TXK: variants seen among roughly 807,000 people sequenced by gnomAD.
TXK encodes the protein tyrosine-protein kinase TXK.
In TXK, 60 loss-of-function variants were observed where a neutral mutation model predicts 81.0. The observed-to-expected ratio is 0.74, with a 90% CI of 0.60 to 0.92. The LOEUF (loss-of-function observed/expected upper bound fraction) is 0.92, where lower values mean the gene tolerates loss of function less well. TXK is among the 40% of genes least tolerant of loss of function. TXK has a pLI of 0.00. For synonymous variants in TXK, 203 were observed against 210.7 expected, an observed-to-expected ratio of 0.96 and a Z score of 0.32; for missense variants, 581 against 638.3, an observed-to-expected ratio of 0.91 and a Z score of 0.97.
At chr4:48,098,759 C>T (rs779133539) in intron 6 of TXK, among the ~76,000 whole-genome samples, 15 of 152,036 alleles carry the variant, frequency 9.9e-5, no homozygotes, top group East Asian at 1.9e-4. Flanking sequence ...GCCAGGAGTT[C>T]GAGACCAACC....
intron 10 of TXK, 139 bp downstream of exon 10, chr4:48,086,327 C>T: frequency 2.5e-6 from 2 of 799,764 alleles, no homozygotes; most frequent in Non-Finnish European, 2.0e-6. Context: ...ACACAGTGGT[C>T]AAATAATGTG....
intron 6 of TXK, among the ~76,000 whole-genome samples, chr4:48,099,711 C>G (rs1466075892): frequency 6.6e-6 from 1 of 152,132 alleles, no homozygotes; most frequent in African/African-American, 2.4e-5. Flanking sequence ...GAGGACTGAT[C>G]AGTAAAACCA....
rs542572718 is a variant in TXK, at chr4:48,121,397, T to G, written c.17-6995A>C. On this transcript the variant is annotated intron_variant, in intron 1 of 14. Transcript: ENST00000264316. ...GTAAATAATCTTAGTCATCCTTGACTCCTCTCTCTCTCTCACACACAGGCC... is the reference window on the plus strand; with the variant it reads ...GTAAATAATCTTAGTCATCCTTGACGCCTCTCTCTCTCTCACACACAGGCC... 5.3e-5 allele frequency among the ~76,000 whole-genome samples: 8 copies of G among 152,278 alleles called. No individual in the cohort carries two copies. The East Asian group carries it at 1.5e-3, about 29-fold the overall frequency.
At chr4:48,127,327 A>C (rs1394390776) in intron 1 of TXK, among the ~76,000 whole-genome samples, 1 of 152,250 alleles carries the variant, frequency 6.6e-6, no homozygotes, top group African/African-American at 2.4e-5. Flanking sequence ...GGTATCAAGG[A>C]GTATTCATTT....
chr4:48,124,777 C>T (rs917162677), intron 1 of TXK, among the ~76,000 whole-genome samples: 7 of 152,142 alleles, frequency 4.6e-5, no homozygotes, highest in African/African-American at 1.4e-4. Flanking sequence ...AAATAAAGTA[C>T]CAAACCATGA....
intron 1 of TXK, among the ~76,000 whole-genome samples, chr4:48,115,241 C>T (rs549989195): frequency 6.6e-6 from 1 of 152,160 alleles, no homozygotes; most frequent in South Asian, 2.1e-4. Flanking sequence ...TGATGTTCCC[C>T]TCTCTGTGTC....
At chr4:48,085,696 A>G (rs952317785) in intron 10 of TXK, among the ~76,000 whole-genome samples, 3 of 152,134 alleles carry the variant, frequency 2.0e-5, no homozygotes, top group Non-Finnish European at 2.9e-5. Flanking sequence ...TGCAGCAGAG[A>G]AGAAGAGAAG....
intron 10 of TXK, among the ~76,000 whole-genome samples, chr4:48,083,860 A>G (rs1159387857): frequency 1.3e-5 from 2 of 152,220 alleles, no homozygotes; most frequent in Non-Finnish European, 2.9e-5. Flanking sequence ...ACAAGGCGAT[A>G]CAACAGAAAG....
intron 1 of TXK, among the ~76,000 whole-genome samples, chr4:48,118,791 A>G (rs190302013): frequency 9.8e-5 from 15 of 152,336 alleles, no homozygotes; most frequent in Admixed American, 9.8e-4. Flanking sequence ...AGCAGAGGGT[A>G]TCTCTGGACC....
rs377276196 is a variant in TXK at position 48,089,794 on chromosome 4, C to T, written c.740G>A (p.Gly247Glu). The T allele has an allele frequency of 1.9e-6, 3 of 1,613,360 alleles. No individual in the cohort carries two copies. The African/African-American group carries it at 4.0e-5, about 22-fold the overall frequency. Residue 247 changes from glycine to glutamate, a missense_variant, in exon 9 of 15, where the codon GGG becomes GAG. By Grantham distance (98) the Gly-to-Glu change is moderately conservative. Transcript: ENST00000264316. ...GLMTRLRYPV[G>E]LMGSCLPATA... ...GGCTGGTAAACAACTGCCCATCAGC[C>T]CAACTGGATATCGGAGACGAGTCAT...
At chr4:48,098,683 C>G (rs989567179) in intron 6 of TXK, among the ~76,000 whole-genome samples, 3 of 151,746 alleles carry the variant, frequency 2.0e-5, no homozygotes, top group Non-Finnish European at 4.4e-5. Context: ...GAAAAAGGGC[C>G]GGACGCAGTG....
intron 1 of TXK, among the ~76,000 whole-genome samples, chr4:48,123,331 T>C (rs1158287692): frequency 1.3e-5 from 2 of 152,226 alleles, no homozygotes; most frequent in South Asian, 2.1e-4. Context: ...ATTTGGCCTC[T>C]GTCTTACCTT....
chr4:48,070,713 G>A (rs1716811011), intron 14 of TXK, among the ~76,000 whole-genome samples: 1 of 151,712 alleles, frequency 6.6e-6, no homozygotes, highest in Non-Finnish European at 1.5e-5. Context: ...CAAGTAGCTG[G>A]AATTACAGGC....
chr4:48,085,714 G>A (rs1717497596), intron 10 of TXK, among the ~76,000 whole-genome samples: 1 of 152,178 alleles, frequency 6.6e-6, no homozygotes, highest in South Asian at 2.1e-4. Context: ...AAGAGGAGGA[G>A]TGTCTAAACA....
chr4:48,126,586 C>T (rs1391928121), intron 1 of TXK, among the ~76,000 whole-genome samples: 5 of 152,082 alleles, frequency 3.3e-5, no homozygotes, highest in Non-Finnish European at 7.4e-5. Context: ...CTGCAACCTC[C>T]GCCTCCCAGG....
intron 1 of TXK, among the ~76,000 whole-genome samples, chr4:48,122,245 C>T (rs1461756120): frequency 6.6e-6 from 1 of 152,140 alleles, no homozygotes; most frequent in African/African-American, 2.4e-5. Context: ...CATGATCTGG[C>T]CTCCTGTTCC....
intron 6 of TXK, among the ~76,000 whole-genome samples, chr4:48,097,937 C>T (rs893545987): frequency 5.3e-5 from 8 of 151,284 alleles, no homozygotes; most frequent in Non-Finnish European, 7.4e-5. Context: ...TTAGTAGAGA[C>T]GGGGTTTCAC....
chr4:48,097,683 G>A (rs1401691272), intron 6 of TXK, among the ~76,000 whole-genome samples: 1 of 150,946 alleles, frequency 6.6e-6, no homozygotes. Context: ...AGATCTGCCC[G>A]CCTCAGCCTA....
At chr4:48,069,560 T>G (rs1472265136) in intron 14 of TXK, among the ~76,000 whole-genome samples, 4 of 152,022 alleles carry the variant, frequency 2.6e-5, no homozygotes, top group Non-Finnish European at 5.9e-5. Flanking sequence ...ACTCCCAGCC[T>G]CGTGATTCGC....
Sources: allele counts gnomAD v4.1 joint callset (sites outside exome capture counted in the v4.1 genomes callset), GRCh38; gene constraint gnomAD v4.1.1; transcripts MANE v1.5; gene names NCBI Gene and HGNC (gene_info 2026-07-23, HGNC 2026-07-21).